Variants in NCOA2 observed in about 807,000 individuals in gnomAD.
NCOA2 encodes the protein nuclear receptor coactivator 2.
In NCOA2, 21 loss-of-function variants were observed where a neutral mutation model predicts 145.1. That is an observed-to-expected ratio of 0.14 (90% CI 0.10 to 0.21). The LOEUF (loss-of-function observed/expected upper bound fraction) is 0.21. Ranked by LOEUF, NCOA2 falls within the 10% of genes least tolerant of loss-of-function variation. NCOA2 has a pLI of 1.00. For synonymous variants in NCOA2, 619 were observed against 637.5 expected (o/e 0.97, Z 0.44); for missense variants, 1,472 against 1,837.6 (o/e 0.80, Z 3.64).
chr8:70,439,924 C>T, the NCOA2 span, among the ~76,000 whole-genome samples: 4 of 152,320 alleles, frequency 2.6e-5, no homozygotes, highest in Admixed American at 2.0e-4. Context: ...ATGCTCTGTG[C>T]TCAGTACCTC....
chr8:70,342,354 T>C (rs931687943), intron 1 of NCOA2, among the ~76,000 whole-genome samples: 2 of 152,146 alleles, frequency 1.3e-5, no homozygotes, highest in South Asian at 2.1e-4. Flanking sequence ...TCTTACTAAG[T>C]GGCTTTCATA....
intron 11 of NCOA2, among the ~76,000 whole-genome samples, chr8:70,153,369 C>A (rs1409119571): frequency 1.3e-5 from 2 of 152,164 alleles, no homozygotes; most frequent in South Asian, 4.1e-4. Context: ...AACATTTCTC[C>A]TAAATAAATA....
At chr8:70,306,593 A>C (rs1446560823) in intron 1 of NCOA2, among the ~76,000 whole-genome samples, 1 of 152,138 alleles carries the variant, frequency 6.6e-6, no homozygotes, top group Non-Finnish European at 1.5e-5. Context: ...TAAATTTTAC[A>C]TGCTGGTCGG....
chr8:70,216,779 A>T lies in NCOA2; in HGVS notation c.-19-15T>A, dbSNP rs781151991. 1.3e-5 allele frequency: 19 copies of T among 1,493,268 alleles called. No homozygotes were observed. The highest frequency in any genetic ancestry group is 1.7e-5 in the Non-Finnish European group (18 of 1,070,790). The allele number at this position is 1,493,268 out of a possible 1,614,324, so 92.5% of individuals were successfully genotyped here. ...CATATCAGCAACTAAAACAGAAAAC[A>T]GAGAAGAGGAAGAAAAAAATGAAGA... is the stretch of plus-strand genomic sequence containing the variant. On this transcript the variant is annotated splice_polypyrimidine_tract_variant and intron_variant, in intron 2 of 22. Coordinates refer to ENST00000452400, the MANE Select transcript of NCOA2 (RefSeq NM_006540.4).
chr8:70,174,571 C>T (rs1814621597), intron 5 of NCOA2, among the ~76,000 whole-genome samples, 185 bp downstream of exon 5: 1 of 152,134 alleles, frequency 6.6e-6, no homozygotes, highest in African/African-American at 2.4e-5. Context: ...ATTTCAAACA[C>T]ACATATACTG....
intron 1 of NCOA2, among the ~76,000 whole-genome samples, chr8:70,341,082 G>GAAAAAAAAAAAAAAAAAAAAAAAA (rs3085558): frequency 9.5e-6 from 1 of 105,070 alleles, no homozygotes; most frequent in African/African-American, 3.2e-5. Context: ...TTAAAAAGTT[G>GAAAAAAAAAAAAAAAAAAAAAAAA]AAAAAAAAAA....
intron 1 of NCOA2, among the ~76,000 whole-genome samples, chr8:70,307,220 C>CAAAA (rs57161747): frequency 1.3e-3 from 90 of 71,612 alleles, no homozygotes; most frequent in East Asian, 2.2e-3. Flanking sequence ...CCTACATAAG[C>CAAAA]AAAAAAAAAA....
chr8:70,308,566 TCTC>T (rs923150251), intron 1 of NCOA2, among the ~76,000 whole-genome samples: 23 of 152,116 alleles, frequency 1.5e-4, no homozygotes, highest in Non-Finnish European at 2.6e-4. Context: ...TTACAGGTAT[TCTC>T]CTCTGGGAAT....
At chr8:70,316,791 A>T (rs1287815423) in intron 1 of NCOA2, among the ~76,000 whole-genome samples, 1 of 152,166 alleles carries the variant, frequency 6.6e-6, no homozygotes, top group Non-Finnish European at 1.5e-5. Flanking sequence ...AATAAAAGCC[A>T]ATCAAATCTA....
Position 70,247,432 on chromosome 8 carries a change from C to G in NCOA2, c.-19-30668G>C, listed in dbSNP as rs528788518. ...AAAGTTATAATGATTTTTACCACCA[C>G]CTAAATATTTTCATTATGGACTTAA... On this transcript the variant is annotated intron_variant, in intron 2 of 22. Transcript: ENST00000452400. Among the ~76,000 whole-genome samples, 4 of 152,262 alleles carry G rather than the reference C, an allele frequency of 2.6e-5. No individual in the cohort carries two copies. The East Asian group carries it at 7.7e-4, about 29-fold the overall frequency.
the NCOA2 span, among the ~76,000 whole-genome samples, chr8:70,447,682 C>CTTTTCTTTT: frequency 8.8e-6 from 1 of 113,092 alleles, no homozygotes; most frequent in African/African-American, 3.7e-5. Context: ...TCTTTGTTTT[C>CTTTTCTTTT]TTTTTTTTTT....
chr8:70,189,367 A>T (rs545978495), intron 4 of NCOA2, among the ~76,000 whole-genome samples: 15 of 152,346 alleles, frequency 9.8e-5, no homozygotes, highest in Non-Finnish European at 1.8e-4. Flanking sequence ...TTACTGTATC[A>T]TATAAATCGT....
chr8:70,190,818 C>T (rs1426983758), intron 4 of NCOA2, among the ~76,000 whole-genome samples: 10 of 151,746 alleles, frequency 6.6e-5, no homozygotes, highest in Non-Finnish European at 7.4e-5. Flanking sequence ...ATCACCTGGG[C>T]GATGGAGTGA....
chr8:70,430,426 A>C, the NCOA2 span, among the ~76,000 whole-genome samples: 2 of 152,206 alleles, frequency 1.3e-5, no homozygotes, highest in African/African-American at 4.8e-5. Context: ...TAATTGGCAC[A>C]CAATAAACAG....
chr8:70,352,307 A>G (rs1047793239), intron 1 of NCOA2, among the ~76,000 whole-genome samples: 1 of 152,166 alleles, frequency 6.6e-6, no homozygotes, highest in Non-Finnish European at 1.5e-5. Context: ...AAAATTGCCC[A>G]ATGTCCAGAA....
chr8:70,227,631 G>A (rs2134153715), intron 2 of NCOA2, among the ~76,000 whole-genome samples: 1 of 152,168 alleles, frequency 6.6e-6, no homozygotes, highest in South Asian at 2.1e-4. Context: ...TTGCTATGAG[G>A]CAATGGTTGA....
At chr8:70,259,609 T>C (rs559695720) in intron 2 of NCOA2, among the ~76,000 whole-genome samples, 1 of 152,184 alleles carries the variant, frequency 6.6e-6, no homozygotes, top group Non-Finnish European at 1.5e-5. Flanking sequence ...AAATGTTAGA[T>C]GAAGAAATAT....
At chr8:70,350,591 T>C (rs1000452746) in intron 1 of NCOA2, among the ~76,000 whole-genome samples, 2 of 152,184 alleles carry the variant, frequency 1.3e-5, no homozygotes, top group African/African-American at 4.8e-5. Flanking sequence ...CTCCATCCTA[T>C]GGTAACACAA....
chr8:70,320,863 T>C (rs747029499), intron 1 of NCOA2, among the ~76,000 whole-genome samples: 2 of 152,206 alleles, frequency 1.3e-5, no homozygotes, highest in East Asian at 1.9e-4. Context: ...ACTGTGCATA[T>C]TGTCTTTAGT....
Sources: allele counts gnomAD v4.1 joint callset (sites outside exome capture counted in the v4.1 genomes callset), GRCh38; gene constraint gnomAD v4.1.1; transcripts MANE v1.5; gene names NCBI Gene and HGNC (gene_info 2026-07-23, HGNC 2026-07-21).